GRM1: variants seen among roughly 807,000 people sequenced by gnomAD.
The protein encoded by GRM1 is glutamate metabotropic receptor 1, also known as metabotropic glutamate receptor 1.
In GRM1, 33 loss-of-function variants were observed where a neutral mutation model predicts 90.9. The observed-to-expected ratio is 0.36, with a 90% CI of 0.28 to 0.49. The LOEUF (loss-of-function observed/expected upper bound fraction) is 0.49, where lower values mean the gene tolerates loss of function less well. Among genes scored for constraint, GRM1 ranks in the 20% least tolerant of loss-of-function variants. The probability of loss-of-function intolerance (pLI) is 0.99; values close to 1 mark genes in which losing one functional copy is unlikely to be tolerated. For missense variants in GRM1, 1,190 were observed against 1,534.3 expected, an observed-to-expected ratio of 0.78 and a Z score of 3.75; for synonymous variants, 700 against 613.2, an observed-to-expected ratio of 1.14 and a Z score of -2.09.
chr6:146,351,916 C>T (rs953229278), intron 3 of GRM1, among the ~76,000 whole-genome samples: 19 of 152,158 alleles, frequency 1.2e-4, no homozygotes, highest in African/African-American at 4.6e-4. Flanking sequence ...AATATAAGTT[C>T]CTGTGAACAA....
chr6:146,240,012 A>G (rs1332368510), intron 2 of GRM1, among the ~76,000 whole-genome samples: 1 of 152,136 alleles, frequency 6.6e-6, no homozygotes, highest in Non-Finnish European at 1.5e-5. Context: ...CTCACTGTCC[A>G]TAAAATGGAA....
rs1157794983 is a variant in GRM1, at chr6:146,208,307, T to C, written c.950+48710T>C. ...AATTCTTACATATCTTTTCAACTTT[T>C]ATTTAGAGTGAACAGGTGATGTTTC... On this transcript the variant is annotated intron_variant, in intron 2 of 7. Coordinates refer to ENST00000282753, the MANE Select transcript of GRM1 (RefSeq NM_001278064.2). Among the ~76,000 whole-genome samples, 3 of 152,190 alleles carry C rather than the reference T, an allele frequency of 2.0e-5. No individual in the cohort carries two copies. The East Asian group carries it at 5.8e-4, about 29-fold the overall frequency.
At chr6:146,098,759 A>G (rs1776952932) in intron 1 of GRM1, among the ~76,000 whole-genome samples, 1 of 151,884 alleles carries the variant, frequency 6.6e-6, no homozygotes, top group African/African-American at 2.4e-5. Flanking sequence ...AGTGATAGTA[A>G]GTTCTCATGA....
intron 1 of GRM1, among the ~76,000 whole-genome samples, chr6:146,142,511 C>T (rs745440071): frequency 6.6e-6 from 1 of 152,084 alleles, no homozygotes; most frequent in Non-Finnish European, 1.5e-5. Context: ...CTGGGTGGAT[C>T]CAGAGATGCC....
chr6:146,332,324 G>A (rs1331013636), intron 3 of GRM1, among the ~76,000 whole-genome samples: 1 of 152,154 alleles, frequency 6.6e-6, no homozygotes, highest in African/African-American at 2.4e-5. Flanking sequence ...AGGCTCTGGG[G>A]ATGAATCAAT....
intron 2 of GRM1, among the ~76,000 whole-genome samples, chr6:146,275,486 A>AC (rs1294709971): frequency 2.0e-5 from 3 of 151,538 alleles, no homozygotes; most frequent in Non-Finnish European, 2.9e-5. Flanking sequence ...GTTTCCCCCC[A>AC]CCCGGTGCCC....
At chr6:146,377,717 G>C (rs997477837) in intron 5 of GRM1, among the ~76,000 whole-genome samples, 1 of 152,184 alleles carries the variant, frequency 6.6e-6, no homozygotes, top group African/African-American at 2.4e-5. Context: ...AACAGGCCAT[G>C]TGAGATACCT....
intron 6 of GRM1, among the ~76,000 whole-genome samples, chr6:146,398,082 G>A (rs1777030783): frequency 6.6e-6 from 1 of 152,136 alleles, no homozygotes; most frequent in Non-Finnish European, 1.5e-5. Flanking sequence ...ACAAATTCTA[G>A]TCTTTCCTTT....
rs1401094577 is a variant in GRM1, at chr6:146,115,937, T to A, written c.701-43411T>A. On this transcript the variant is annotated intron_variant, in intron 1 of 7. Transcript: ENST00000282753. Reference sequence around the variant, plus strand: ...TCTTATTGTATTGGCTATGTACAATTCTTTGTAATTACATTCATAGTAGAT... The same window carrying A: ...TCTTATTGTATTGGCTATGTACAATACTTTGTAATTACATTCATAGTAGAT... Among the ~76,000 whole-genome samples the A allele has an allele frequency of 2.0e-5, 3 of 152,326 alleles. No individual in the cohort carries two copies. The South Asian group carries it at 6.2e-4, about 32-fold the overall frequency.
At chr6:146,333,954 G>A (rs559056115) in intron 3 of GRM1, among the ~76,000 whole-genome samples, 1 of 152,070 alleles carries the variant, frequency 6.6e-6, no homozygotes, top group Non-Finnish European at 1.5e-5. Flanking sequence ...TAAATAATAG[G>A]GAAAATAAAG....
At chr6:146,130,251 CCCTT>C (rs550427684) in intron 1 of GRM1, among the ~76,000 whole-genome samples, 364 of 144,774 alleles carry the variant, frequency 2.5e-3, no homozygotes, top group South Asian at 8.8e-3. Context: ...CTCCCTCCCT[CCCTT>C]CCTTCCTTCC....
At chr6:146,058,674 T>C (rs564935115) in intron 1 of GRM1, among the ~76,000 whole-genome samples, 1 of 152,250 alleles carries the variant, frequency 6.6e-6, no homozygotes, top group African/African-American at 2.4e-5. Flanking sequence ...CCATGCTGTT[T>C]GATAGCATTT....
intron 1 of GRM1, among the ~76,000 whole-genome samples, chr6:146,128,105 T>A (rs1049881536): frequency 6.6e-6 from 1 of 152,078 alleles, no homozygotes; most frequent in African/African-American, 2.4e-5. Flanking sequence ...AGGGCAAGTA[T>A]CCCTAGGTGT....
At chr6:146,150,095 A>G (rs1329325703) in intron 1 of GRM1, among the ~76,000 whole-genome samples, 3 of 152,110 alleles carry the variant, frequency 2.0e-5, no homozygotes, top group African/African-American at 7.2e-5. Flanking sequence ...GCAGAACCAA[A>G]CAAATTAAAA....
intron 1 of GRM1, among the ~76,000 whole-genome samples, chr6:146,128,326 A>G (rs771883233): frequency 6.6e-6 from 1 of 152,138 alleles, no homozygotes; most frequent in Non-Finnish European, 1.5e-5. Flanking sequence ...ATAATAGGAT[A>G]TGTTTATCAA....
intron 7 of GRM1, among the ~76,000 whole-genome samples, chr6:146,429,927 A>G (rs1778349382): frequency 6.6e-6 from 1 of 152,196 alleles, no homozygotes; most frequent in Non-Finnish European, 1.5e-5. Flanking sequence ...GCCTAGAGGC[A>G]AAGACTTGAT....
intron 2 of GRM1, among the ~76,000 whole-genome samples, chr6:146,241,585 C>T (rs755926924): frequency 3.3e-5 from 5 of 152,126 alleles, no homozygotes; most frequent in African/African-American, 1.2e-4. Context: ...TCTTCCCTGG[C>T]AATTCCCTCC....
intron 2 of GRM1, among the ~76,000 whole-genome samples, chr6:146,282,995 G>GAGAGGTAC (rs1304155677): frequency 1.3e-5 from 2 of 152,170 alleles, no homozygotes; most frequent in Non-Finnish European, 2.9e-5. Flanking sequence ...CCTGCAAGAA[G>GAGAGGTAC]AGAGGTACAG....
At chr6:146,314,026 C>T (rs1783867811) in intron 3 of GRM1, among the ~76,000 whole-genome samples, 1 of 138,306 alleles carries the variant, frequency 7.2e-6, no homozygotes, top group Non-Finnish European at 1.5e-5. Flanking sequence ...TTCATGATTG[C>T]ACTGTATATA....
Sources: allele counts gnomAD v4.1 joint callset (sites outside exome capture counted in the v4.1 genomes callset), GRCh38; gene constraint gnomAD v4.1.1; transcripts MANE v1.5; gene names NCBI Gene and HGNC (gene_info 2026-07-23, HGNC 2026-07-21).